PCDHGA3: variants seen among roughly 807,000 people sequenced by gnomAD.
PCDHGA3 encodes protocadherin gamma subfamily A, 3, also known as protocadherin gamma-A3.
A neutral mutation model predicts 58.5 loss-of-function variants in PCDHGA3; 40 were observed. The observed-to-expected ratio is 0.68, with a 90% CI of 0.53 to 0.89. The LOEUF is 0.89. Ranked by LOEUF, PCDHGA3 falls within the 40% of genes least tolerant of loss-of-function variation. The probability of loss-of-function intolerance (pLI) is 0.00; values close to 1 mark genes in which losing one functional copy is unlikely to be tolerated. For synonymous variants in PCDHGA3, 530 were observed against 525.7 expected (o/e 1.01, Z -0.11); for missense variants, 1,223 against 1,195.9 (o/e 1.02, Z -0.33).
intron 1 of PCDHGA3, among the ~76,000 whole-genome samples, chr5:141,401,210 C>T (rs1038078572): frequency 3.9e-5 from 6 of 151,956 alleles, no homozygotes; most frequent in Non-Finnish European, 5.9e-5. Flanking sequence ...GGTGTGGTGG[C>T]GGGCGCCTGT....
chr5:141,461,058 T>C (rs1450016344), intron 1 of PCDHGA3, among the ~76,000 whole-genome samples: 2 of 152,010 alleles, frequency 1.3e-5, no homozygotes, highest in Admixed American at 1.3e-4. Context: ...CTTAGGTTGG[T>C]TTCACATTTT....
chr5:141,347,488 G>A (rs1757973047), intron 1 of PCDHGA3, among the ~76,000 whole-genome samples: 1 of 152,076 alleles, frequency 6.6e-6, no homozygotes, highest in South Asian at 2.1e-4. Context: ...CATAAAAATT[G>A]GAGAACAAAA....
In PCDHGA3 at chr5:141,374,216, G is replaced by A. The variant is rs745786041; in HGVS notation, c.2424+27759G>A. On this transcript the variant is annotated intron_variant, in intron 1 of 3. Transcript: ENST00000253812. The stretch of plus-strand genomic sequence containing the variant: ...CGAGGAGCTGGAGAAAGGCTCCTTC[G>A]TAGGCAACATCGTCAAGGATCTGGG... The A allele has an allele frequency of 5.6e-6, 9 of 1,613,860 alleles. No individual in the cohort carries two copies. In the South Asian group the frequency reaches 7.7e-5, roughly 14 times the overall value.
In PCDHGA3 at chr5:141,485,990, C is replaced by T. The variant is rs1285988124; in HGVS notation, c.2425-8817C>T. 2.5e-6 allele frequency: 4 copies of T among 1,614,168 alleles called. No homozygotes were observed. The stretch of plus-strand genomic sequence containing the variant: ...CAATGCCTCAGACCCGGACCTGGGT[C>T]CCAGTGGTAACGTCACCTTTTATTT... On this transcript the variant is annotated intron_variant, in intron 1 of 3. Coordinates refer to ENST00000253812, the MANE Select transcript of PCDHGA3 (RefSeq NM_018916.4). This position sits in a 1 kb window ranked among gnomAD's most constrained non-coding sequence, Gnocchi z 5.7.
chr5:141,507,495 G>A (rs375483743), intron 3 of PCDHGA3, among the ~76,000 whole-genome samples: 5 of 152,352 alleles, frequency 3.3e-5, no homozygotes, highest in East Asian at 3.9e-4. Flanking sequence ...AGGCAGAGCT[G>A]TCCCAGGTCT....
intron 1 of PCDHGA3, chr5:141,410,606 G>C: frequency 1.2e-6 from 2 of 1,607,214 alleles, no homozygotes; most frequent in Non-Finnish European, 1.7e-6. Flanking sequence ...TTCACATCCT[G>C]AGACTCTGAC....
intron 1 of PCDHGA3, chr5:141,352,274 A>G (rs1220705648): frequency 6.2e-7 from 1 of 1,614,064 alleles, no homozygotes; most frequent in East Asian, 2.2e-5. Context: ...GCCAGACCTC[A>G]GCGACCGCCC....
intron 1 of PCDHGA3, chr5:141,420,202 C>T (rs2096476837): frequency 6.2e-7 from 1 of 1,613,136 alleles, no homozygotes. Flanking sequence ...AAGATAACCT[C>T]AACAAAGATA....
At chr5:141,455,874 T>C (rs2098834969) in intron 1 of PCDHGA3, among the ~76,000 whole-genome samples, 1 of 146,458 alleles carries the variant, frequency 6.8e-6, no homozygotes, top group South Asian at 2.1e-4. Flanking sequence ...TTTATTTATT[T>C]ATTTATTTAT....
intron 1 of PCDHGA3, among the ~76,000 whole-genome samples, chr5:141,373,441 T>C (rs1232465888): frequency 2.0e-5 from 3 of 152,218 alleles, no homozygotes; most frequent in African/African-American, 7.2e-5. Flanking sequence ...GAGGATCCCT[T>C]GATCCCAGGA....
At chr5:141,462,786 T>G (rs1394476968) in intron 1 of PCDHGA3, among the ~76,000 whole-genome samples, 1 of 152,216 alleles carries the variant, frequency 6.6e-6, no homozygotes, top group Admixed American at 6.5e-5. Flanking sequence ...AATTTGTTGC[T>G]TATTTGCATG....
intron 1 of PCDHGA3, chr5:141,423,616 G>A: frequency 6.2e-7 from 1 of 1,609,594 alleles, no homozygotes; most frequent in Admixed American, 1.7e-5. Context: ...GATAGCTGAA[G>A]ACTCAGCTAT....
intron 1 of PCDHGA3, among the ~76,000 whole-genome samples, chr5:141,482,314 A>G (rs1279804501): frequency 6.6e-6 from 1 of 152,180 alleles, no homozygotes; most frequent in Admixed American, 6.5e-5. Flanking sequence ...TTCCTCATCT[A>G]TAAAATAAAG....
intron 1 of PCDHGA3, among the ~76,000 whole-genome samples, chr5:141,467,372 T>C (rs1006663543): frequency 2.0e-5 from 3 of 152,072 alleles, no homozygotes; most frequent in African/African-American, 7.2e-5. Flanking sequence ...TTTTCTTATA[T>C]TGCATTTAGG....
intron 1 of PCDHGA3, chr5:141,400,244 C>T (rs765839538): frequency 1.9e-6 from 3 of 1,613,928 alleles, no homozygotes; most frequent in East Asian, 4.5e-5. Flanking sequence ...GTGATTCTGG[C>T]CGTTGCCTTG....
Position 141,477,209 on chromosome 5 carries a change from GC to G in PCDHGA3, c.2425-17594del. On this transcript the variant is annotated intron_variant, in intron 1 of 3. Transcript: ENST00000253812. The surrounding 1 kb of genome is among the most constrained non-coding windows in gnomAD (Gnocchi z 4.9). Reference sequence around the variant, plus strand: ...CGTGTACAGCCCAGTACCCGAGGATGCCCCTCTGGGGACTGTCATCGCTTTG... The same window carrying G: ...CGTGTACAGCCCAGTACCCGAGGATGCCCTCTGGGGACTGTCATCGCTTTG... The G allele has an allele frequency of 6.2e-7, 1 of 1,614,194 alleles. No homozygotes were observed. Among genetic ancestry groups the G allele is most frequent in the Non-Finnish European group, 8.5e-7 (1 of 1,180,038 alleles).
intron 2 of PCDHGA3, among the ~76,000 whole-genome samples, chr5:141,503,977 CCTT>C (rs1012021012): frequency 1.3e-5 from 2 of 152,250 alleles, no homozygotes; most frequent in Admixed American, 1.3e-4. Flanking sequence ...GGTGCCAAAC[CCTT>C]CTTCTTACCT....
Position 141,346,260 on chromosome 5 carries a change from G to C in PCDHGA3, c.2227G>C (p.Ala743Pro). 6.2e-7 allele frequency: 1 copy of C among 1,614,212 alleles called. No individual in the cohort carries two copies. Among genetic ancestry groups the C allele is most frequent in the Non-Finnish European group, 8.5e-7 (1 of 1,180,042 alleles). Residue 743 changes from alanine to proline, a missense_variant, in exon 1 of 4, where the codon GCG becomes CCG. Transcript: ENST00000253812. ...TACGCCCGGCTCGCACTTTGTGGGC[G>C]CGGACGGGGTTCGGGCTTTCCTGCA... Reference protein sequence around the residue: ...ASTPGSHFVGADGVRAFLQTY... With the variant: ...ASTPGSHFVGPDGVRAFLQTY...
intron 1 of PCDHGA3, chr5:141,361,490 T>C (rs775139870): frequency 6.2e-7 from 1 of 1,613,998 alleles, no homozygotes; most frequent in Non-Finnish European, 8.5e-7. Context: ...GCCCCAGTTT[T>C]CCAACAGACT....
Sources: gnomAD v4.1 joint callset for allele counts (sites outside exome capture counted in the v4.1 genomes callset) on GRCh38, gnomAD v4.1.1 for gene constraint, Gnocchi (gnomAD v3.1) non-coding constraint, MANE v1.5 for transcripts, NCBI Gene and HGNC (gene_info 2026-07-23, HGNC 2026-07-21) for gene names.